STS: variants seen among roughly 807,000 people sequenced by gnomAD.
The protein encoded by STS is steroid sulfatase, also known as steryl-sulfatase.
Under a neutral mutation model 26.8 loss-of-function variants are expected in STS, and 7 were observed. The observed-to-expected ratio is 0.26, with a 90% CI of 0.15 to 0.49. The LOEUF is 0.49. Among genes scored for constraint, STS ranks in the 20% least tolerant of loss-of-function variants. STS has a pLI of 0.98. For synonymous variants in STS, 199 were observed against 189.4 expected (o/e 1.05, Z -0.42); for missense variants, 434 against 465.6 (o/e 0.93, Z 0.63).
At chrX:7,148,910 CTTTTTT>C (rs1569174544) in intron 1 of STS, among the ~76,000 whole-genome samples, 1 of 107,787 alleles carries the variant, frequency 9.3e-6, no homozygotes, top group African/African-American at 3.4e-5. Context: ...AGTTTTCTTT[CTTTTTT>C]AACTTTTCAA....
At chrX:7,336,518 C>G (rs1396280158) in intron 10 of STS, among the ~76,000 whole-genome samples, 1 of 111,921 alleles carries the variant, frequency 8.9e-6, no homozygotes, top group African/African-American at 3.2e-5. Context: ...ATGATATGTT[C>G]TAGAAGACAA....
At chrX:7,237,194 C>G (rs1344489806) in intron 2 of STS, among the ~76,000 whole-genome samples, 1 of 90,649 alleles carries the variant, frequency 1.1e-5, no homozygotes, top group East Asian at 3.4e-4. Flanking sequence ...AGAACCCCCC[C>G]AAAAACCAAA....
chrX:7,231,834 C>T (rs866547383), intron 2 of STS, among the ~76,000 whole-genome samples: 1 of 87,123 alleles, frequency 1.1e-5, no homozygotes, highest in Non-Finnish European at 2.2e-5. Context: ...AATAAATCTG[C>T]TTTTTTTTTT....
At chrX:7,272,426 A>G (rs1355307981) in intron 6 of STS, among the ~76,000 whole-genome samples, 1 of 111,070 alleles carries the variant, frequency 9.0e-6, no homozygotes, top group Non-Finnish European at 1.9e-5. Context: ...TCTCTGCTCT[A>G]GAGCAACTGT....
At chrX:7,204,834 C>T (rs939386679) in intron 2 of STS, among the ~76,000 whole-genome samples, 6 of 106,490 alleles carry the variant, frequency 5.6e-5, no homozygotes, top group Admixed American at 1.0e-4. Flanking sequence ...CTTCTTCCCT[C>T]CTCCCCTCCT....
At position 7,353,146 on chromosome X, in the gene STS, G is replaced by A. The variant is rs1373194088; in HGVS notation, c.*2885G>A. 1 of 111,661 alleles carries A rather than the reference G, an allele frequency of 9.0e-6. No individual in the cohort carries two copies. Among genetic ancestry groups the A allele is most frequent in the Non-Finnish European group, 1.9e-5 (1 of 53,246 alleles). 9.2% of individuals were successfully genotyped at this position (111,661 alleles called of 1,213,427 possible). On this transcript the variant is annotated 3_prime_UTR_variant, in exon 11 of 11. Transcript: ENST00000674429. The stretch of plus-strand genomic sequence containing the variant: ...ATGTTTACTACATTTCCAACTTGAT[G>A]TCAAGCAATGGGGAATACAAGTTCC...
chrX:7,312,447 GGCATT>G (rs1926522860), intron 8 of STS, among the ~76,000 whole-genome samples: 1 of 111,563 alleles, frequency 9.0e-6, no homozygotes, highest in Non-Finnish European at 1.9e-5. Context: ...CCATGGAGTA[GGCATT>G]CAATAAGAAC....
intron 7 of STS, among the ~76,000 whole-genome samples, chrX:7,303,867 A>G (rs1315888978): frequency 4.5e-5 from 5 of 111,660 alleles, no homozygotes; most frequent in African/African-American, 1.6e-4. Context: ...ATGAAATAGT[A>G]CAGTTAAACC....
rs902201198 is a variant in STS, at chrX:7,188,358, C to T, written c.-133-2522C>T. The stretch of plus-strand genomic sequence containing the variant: ...GCTGGATAGTTCTTTGTCTTGGGGG[C>T]TGCCTTGTGCATTGTAAGATATTTA... On this transcript the variant is annotated intron_variant, in intron 1 of 10. Coordinates refer to ENST00000674429, the MANE Select transcript of STS (RefSeq NM_001320752.2). Among the ~76,000 whole-genome samples, 3 of 111,519 alleles carry T rather than the reference C, an allele frequency of 2.7e-5. No individual in the cohort carries two copies. The South Asian group carries it at 1.1e-3, about 43-fold the overall frequency.
intron 2 of STS, among the ~76,000 whole-genome samples, chrX:7,249,045 A>T (rs1210640081): frequency 9.0e-6 from 1 of 110,721 alleles, no homozygotes; most frequent in Non-Finnish European, 1.9e-5. Flanking sequence ...TCGGGACCTA[A>T]GGTAGGAGCC....
intron 8 of STS, among the ~76,000 whole-genome samples, chrX:7,323,524 C>G (rs765234070): frequency 1.8e-5 from 2 of 111,543 alleles, no homozygotes; most frequent in Non-Finnish European, 3.8e-5. Context: ...TGGCCTCTAG[C>G]TATACCATGT....
intron 1 of STS, among the ~76,000 whole-genome samples, chrX:7,177,735 G>A (rs765191629): frequency 9.1e-6 from 1 of 110,278 alleles, no homozygotes; most frequent in Non-Finnish European, 1.9e-5. Context: ...GGCTGGTCTC[G>A]AACTCCTGAC....
At chrX:7,201,855 C>G (rs1025325149) in intron 2 of STS, among the ~76,000 whole-genome samples, 13 of 111,079 alleles carry the variant, frequency 1.2e-4, no homozygotes, top group Non-Finnish European at 1.1e-4. Context: ...AAGGAATTGT[C>G]TATGTTTGTT....
intron 10 of STS, among the ~76,000 whole-genome samples, chrX:7,343,765 G>A (rs919045741): frequency 9.0e-6 from 1 of 111,499 alleles, no homozygotes; most frequent in African/African-American, 3.3e-5. Context: ...AGCACCCCCC[G>A]CCCCTCCCGG....
intron 10 of STS, among the ~76,000 whole-genome samples, chrX:7,347,757 C>T (rs1424192085): frequency 4.5e-5 from 5 of 111,788 alleles, no homozygotes; most frequent in African/African-American, 6.5e-5. Flanking sequence ...CTTCCTGGCT[C>T]GCTTCTCTGT....
intron 1 of STS, among the ~76,000 whole-genome samples, chrX:7,165,533 C>T (rs988682891): frequency 2.4e-4 from 27 of 110,788 alleles, no homozygotes; most frequent in South Asian, 1.6e-3. Flanking sequence ...GTAGTCCCAG[C>T]GACTTGGGAG....
chrX:7,155,924 G>T (rs886121889), intron 1 of STS, among the ~76,000 whole-genome samples: 7 of 111,653 alleles, frequency 6.3e-5, no homozygotes, highest in Admixed American at 1.9e-4. Flanking sequence ...TGAGGCAGGT[G>T]GAATGCTTGA....
chrX:7,323,900 C>A (rs985758615), intron 8 of STS, among the ~76,000 whole-genome samples: 1 of 110,638 alleles, frequency 9.0e-6, no homozygotes, highest in African/African-American at 3.3e-5. Context: ...CATCTTCCAG[C>A]CTCTCTCTGT....
intron 7 of STS, among the ~76,000 whole-genome samples, chrX:7,280,066 C>T (rs1401881873): frequency 1.8e-5 from 2 of 111,788 alleles, no homozygotes; most frequent in South Asian, 3.8e-4. Flanking sequence ...AATAAGAAAG[C>T]GTGCATCATG....
Sources: gnomAD v4.1 joint callset for allele counts (sites outside exome capture counted in the v4.1 genomes callset) on GRCh38, gnomAD v4.1.1 for gene constraint, MANE v1.5 for transcripts, NCBI Gene and HGNC (gene_info 2026-07-23, HGNC 2026-07-21) for gene names.